The following RBMS1 variants were observed in gnomAD, a reference collection of about 807,000 sequenced individuals.
The protein encoded by RBMS1 is RNA-binding motif, single-stranded-interacting protein 1.
RBMS1 carries 17 observed loss-of-function variants against 62.3 expected under a neutral mutation model. The ratio of observed to expected loss-of-function variants is 0.27; its 90% confidence interval spans 0.19 to 0.41. The LOEUF is 0.41. Ranked by LOEUF, RBMS1 falls within the 10% of genes least tolerant of loss-of-function variation. The probability of loss-of-function intolerance (pLI) is 1.00; values close to 1 mark genes in which losing one functional copy is unlikely to be tolerated. For synonymous variants in RBMS1, 172 were observed against 170.0 expected (o/e 1.01, Z -0.09); for missense variants, 334 against 504.5 (o/e 0.66, Z 3.24).
intron 1 of RBMS1, among the ~76,000 whole-genome samples, chr2:160,442,857 GTTTC>G (rs140892941): frequency 0.056 from 8,482 of 152,226 alleles, 316 homozygotes; most frequent in Non-Finnish European, 0.084. Flanking sequence ...CTCATGGGCA[GTTTC>G]TTTCTTTTTT....
intron 2 of RBMS1, among the ~76,000 whole-genome samples, chr2:160,364,133 A>C (rs1693274428): frequency 6.6e-6 from 1 of 152,186 alleles, no homozygotes; most frequent in Non-Finnish European, 1.5e-5. Context: ...GGTCAAGCAG[A>C]GTGTTTGTTT....
At chr2:160,380,940 G>T (rs1331221959) in intron 1 of RBMS1, among the ~76,000 whole-genome samples, 1 of 152,120 alleles carries the variant, frequency 6.6e-6, no homozygotes, top group Non-Finnish European at 1.5e-5. Flanking sequence ...CAAATTAAAT[G>T]AAGATAAAAA....
chr2:160,399,362 T>G (rs1399401352), intron 1 of RBMS1, among the ~76,000 whole-genome samples: 1 of 152,154 alleles, frequency 6.6e-6, no homozygotes, highest in African/African-American at 2.4e-5. Context: ...TAAAATTTGG[T>G]CACTCCTCCT....
At chr2:160,343,092 T>A (rs1457949079) in intron 2 of RBMS1, among the ~76,000 whole-genome samples, 4 of 152,028 alleles carry the variant, frequency 2.6e-5, no homozygotes, top group African/African-American at 9.7e-5. Flanking sequence ...ACAGACCACA[T>A]CCAGAAGAAG....
chr2:160,362,081 A>G (rs1201184846), intron 2 of RBMS1, among the ~76,000 whole-genome samples: 1 of 152,248 alleles, frequency 6.6e-6, no homozygotes, highest in African/African-American at 2.4e-5. Context: ...CATAGCATTG[A>G]AGAGAGAAGG....
intron 1 of RBMS1, among the ~76,000 whole-genome samples, chr2:160,479,863 C>T (rs1237973907): frequency 6.6e-6 from 1 of 152,200 alleles, no homozygotes; most frequent in Non-Finnish European, 1.5e-5. Flanking sequence ...CAACCTCCTA[C>T]TCAACCTAGG....
At chr2:160,486,531 C>T (rs1685607947) in intron 1 of RBMS1, among the ~76,000 whole-genome samples, 1 of 152,092 alleles carries the variant, frequency 6.6e-6, no homozygotes, top group Admixed American at 6.5e-5. Flanking sequence ...ATCTGGGACC[C>T]AGCAGCCCAA....
At chr2:160,354,036 C>T (rs1692662191) in intron 2 of RBMS1, among the ~76,000 whole-genome samples, 1 of 152,060 alleles carries the variant, frequency 6.6e-6, no homozygotes, top group Non-Finnish European at 1.5e-5. Flanking sequence ...AGCCTGTGCT[C>T]TTTAGTATAA....
chr2:160,449,880 T>C, intron 1 of RBMS1, among the ~76,000 whole-genome samples: 1 of 152,078 alleles, frequency 6.6e-6, no homozygotes, highest in East Asian at 1.9e-4. Context: ...CTGCCCTGCT[T>C]GGTGCTAAAT....
intron 1 of RBMS1, among the ~76,000 whole-genome samples, chr2:160,477,443 T>C (rs1003849682): frequency 1.3e-5 from 2 of 152,202 alleles, no homozygotes; most frequent in Non-Finnish European, 2.9e-5. Flanking sequence ...TCTCACTCTG[T>C]CACCCAGGCT....
chr2:160,300,931 ATAGAG>A (rs1370154033), intron 5 of RBMS1, among the ~76,000 whole-genome samples: 1 of 152,238 alleles, frequency 6.6e-6, no homozygotes, highest in South Asian at 2.1e-4. Flanking sequence ...ACTGATAACA[ATAGAG>A]TATATTCTGA....
chr2:160,381,429 CTAAG>C (rs1184160324), intron 1 of RBMS1, among the ~76,000 whole-genome samples: 1 of 152,186 alleles, frequency 6.6e-6, no homozygotes, highest in Non-Finnish European at 1.5e-5. Context: ...CCCCAGAGAA[CTAAG>C]TGTTACGCAT....
chr2:160,360,268 C>A (rs1215085400), intron 2 of RBMS1, among the ~76,000 whole-genome samples: 1 of 152,100 alleles, frequency 6.6e-6, no homozygotes, highest in African/African-American at 2.4e-5. Flanking sequence ...CATGTGTGCT[C>A]TCTCCCAGTT....
chr2:160,378,291 A>G (rs1386481718), intron 1 of RBMS1, among the ~76,000 whole-genome samples: 2 of 152,168 alleles, frequency 1.3e-5, no homozygotes. Flanking sequence ...ACCATTTACA[A>G]GAAGATACAA....
At chr2:160,376,809 A>AAATG (rs1694024568) in intron 1 of RBMS1, among the ~76,000 whole-genome samples, 1 of 150,974 alleles carries the variant, frequency 6.6e-6, no homozygotes, top group Non-Finnish European at 1.5e-5. Context: ...CTAATCAAAT[A>AAATG]AATAAATAAA....
chr2:160,456,857 C>A (rs1435447617), intron 1 of RBMS1, among the ~76,000 whole-genome samples: 1 of 152,116 alleles, frequency 6.6e-6, no homozygotes, highest in African/African-American at 2.4e-5. Flanking sequence ...CAATTCAATA[C>A]ATTTTTCACA....
intron 1 of RBMS1, among the ~76,000 whole-genome samples, chr2:160,439,424 A>AG (rs1337720503): frequency 6.9e-6 from 1 of 145,206 alleles, no homozygotes; most frequent in African/African-American, 2.6e-5. Flanking sequence ...ACGGGGCGGC[A>AG]GGGCAGAGGT....
intron 1 of RBMS1, among the ~76,000 whole-genome samples, chr2:160,430,454 T>G (rs1241664084): frequency 6.6e-6 from 1 of 152,068 alleles, no homozygotes; most frequent in Non-Finnish European, 1.5e-5. Flanking sequence ...GATCTTGGAG[T>G]GCTTAAAAAC....
At chr2:160,282,082 T>C (rs1359487920) in intron 9 of RBMS1, 7 of 428,196 alleles carry the variant, frequency 1.6e-5, no homozygotes, top group Non-Finnish European at 3.0e-5. Context: ...GAAAAACATA[T>C]CAGCCCATTT....
Sources: allele counts gnomAD v4.1 joint callset (sites outside exome capture counted in the v4.1 genomes callset), GRCh38; gene constraint gnomAD v4.1.1; transcripts MANE v1.5; gene names NCBI Gene and HGNC (gene_info 2026-07-23, HGNC 2026-07-21).